BROX: variants seen among roughly 807,000 people sequenced by gnomAD.
BROX encodes BRO1 domain-containing protein BROX.
In BROX, 53 loss-of-function variants were observed where a neutral mutation model predicts 61.0. The ratio of observed to expected loss-of-function variants is 0.87; its 90% CI spans 0.70 to 1.09. The LOEUF (loss-of-function observed/expected upper bound fraction) is 1.09. Ranked by LOEUF, BROX falls within the 50% of genes least tolerant of loss-of-function variation. The pLI, the probability that BROX is intolerant of heterozygous loss-of-function variation, is 0.00. For synonymous variants in BROX, 152 were observed against 160.2 expected (o/e 0.95, Z 0.38); for missense variants, 489 against 472.0 (o/e 1.04, Z -0.33).
chr1:222,726,169 C>G lies in BROX; in HGVS notation c.580+614C>G, dbSNP rs185296853. 1.1e-3 allele frequency among the ~76,000 whole-genome samples: 166 copies of G among 152,306 alleles called. 1 individual carries two copies. The highest frequency in any genetic ancestry group is 3.8e-3 in the African/African-American group (159 of 41,564). ...TTTTTCTCTTTCACTCGTTGGCTTACCTTAATGTCTTCACCTTTCAATGGC... is the reference window on the plus strand; with the variant it reads ...TTTTTCTCTTTCACTCGTTGGCTTAGCTTAATGTCTTCACCTTTCAATGGC... On this transcript the variant is annotated intron_variant, in intron 7 of 12. Coordinates refer to ENST00000340934, the MANE Select transcript of BROX (RefSeq NM_144695.4).
At chr1:222,725,029 G>A (rs1268134130) in intron 6 of BROX, among the ~76,000 whole-genome samples, 1 of 152,034 alleles carries the variant, frequency 6.6e-6, no homozygotes, top group African/African-American at 2.4e-5. Context: ...TCCTGACCTC[G>A]TGATTCACCT....
intron 4 of BROX, among the ~76,000 whole-genome samples, chr1:222,719,955 C>T (rs1463447426): frequency 6.6e-6 from 1 of 152,104 alleles, no homozygotes; most frequent in Admixed American, 6.6e-5. Flanking sequence ...TTTTCAACAC[C>T]ATTTTGTTGT....
intron 9 of BROX, among the ~76,000 whole-genome samples, chr1:222,729,110 G>T (rs747184142): frequency 6.6e-6 from 1 of 152,122 alleles, no homozygotes; most frequent in Non-Finnish European, 1.5e-5. Context: ...GTTTCATCCT[G>T]TGCATTGAGA....
chr1:222,721,502 T>G (rs923697370), intron 4 of BROX, among the ~76,000 whole-genome samples: 1 of 152,144 alleles, frequency 6.6e-6, no homozygotes, highest in African/African-American at 2.4e-5. Flanking sequence ...GCTTTTCTGT[T>G]TCTTAGTATT....
At position 222,733,064 on chromosome 1, in the gene BROX, T is replaced by TA. The variant is rs1491319826; in HGVS notation, c.*350_*351insA. The TA allele has an allele frequency of 8.6e-6, 1 of 115,732 alleles. No homozygotes were observed. The highest frequency in any genetic ancestry group is 4.1e-5 in the African/African-American group (1 of 24,206). 7.2% of individuals were successfully genotyped at this position (115,732 alleles called of 1,614,324 possible). A position where few individuals can be genotyped will look rare whatever the true frequency, so the allele number is the denominator to read the frequency against. ...GGTATGTTTTTCTTTTTTCTTTTTC[T>TA]TTTTTTTTTTTCTTTTTTTTTTTTT... On this transcript the variant is annotated 3_prime_UTR_variant, in exon 13 of 13. Coordinates refer to ENST00000340934, the MANE Select transcript of BROX (RefSeq NM_144695.4).
chr1:222,730,107 C>G lies in BROX; in HGVS notation c.919C>G (p.Leu307Val). ...ACCAACAGTCAAACCTTCAGGACAT[C>G]TGTTCTTTAGGAAACTTGGAAACCT... ...PGPTVKPSGH[L>V]FFRKLGNLVK... Residue 307 changes from leucine (L) to valine (V), a missense_variant, in exon 11 of 13, where the codon CTG becomes GTG. Physicochemically the swap from Leu to Val is conservative, Grantham distance 32 (BLOSUM62 1). Transcript: ENST00000340934. The G allele has an allele frequency of 6.2e-7, 1 of 1,613,180 alleles. No homozygotes were observed. Among genetic ancestry groups the G allele is most frequent in the Non-Finnish European group, 8.5e-7 (1 of 1,179,464 alleles).
intron 4 of BROX, among the ~76,000 whole-genome samples, chr1:222,720,150 T>G (rs1031601414): frequency 1.3e-5 from 2 of 152,174 alleles, no homozygotes; most frequent in African/African-American, 2.4e-5. Flanking sequence ...AACATCTGCT[T>G]CTTCAACTAT....
chr1:222,718,374 G>T (rs1001388798), intron 2 of BROX, among the ~76,000 whole-genome samples: 5 of 152,096 alleles, frequency 3.3e-5, no homozygotes, highest in Non-Finnish European at 7.4e-5. Flanking sequence ...TGATGTATAT[G>T]TTGAATTACA....
At chr1:222,729,305 G>A (rs1163437265) in intron 9 of BROX, among the ~76,000 whole-genome samples, 2 of 152,152 alleles carry the variant, frequency 1.3e-5, no homozygotes, top group Non-Finnish European at 2.9e-5. Flanking sequence ...GGTCTGAGTA[G>A]ATAATATTTC....
chr1:222,716,164 T>G (rs903816104), intron 2 of BROX, among the ~76,000 whole-genome samples: 3 of 152,226 alleles, frequency 2.0e-5, no homozygotes, highest in Admixed American at 6.5e-5. Context: ...AATGGCTTGA[T>G]CTCGGCTTAC....
Position 222,729,617 on chromosome 1 carries a change from CA to C in BROX, c.757-2del. 6.2e-7 allele frequency: 1 copy of C among 1,606,336 alleles called. No individual in the cohort carries two copies. The highest frequency in any genetic ancestry group is 1.1e-5 in the South Asian group (1 of 90,158). Reference sequence around the variant, plus strand: ...TGAATAAAAAATTTGTTTATTTCATCAGGCTTACTGTTACCATGGTGAGACT... The same window carrying C: ...TGAATAAAAAATTTGTTTATTTCATCGGCTTACTGTTACCATGGTGAGACT... On this transcript the variant is annotated splice_acceptor_variant, in intron 9 of 12. Transcript: ENST00000340934. LOFTEE classifies it high-confidence loss of function.
At chr1:222,715,841 T>C in intron 2 of BROX, 41 bp downstream of exon 2, 1 of 1,317,634 alleles carries the variant, frequency 7.6e-7, no homozygotes, top group Non-Finnish European at 1.1e-6. Context: ...GCAAGGTACT[T>C]TTTTTGGTTC....
chr1:222,732,610 TG>T lies in BROX; in HGVS notation c.1150-16del. ...AATCTTAGTTTATGTACTTAAACTG[TG>T]GTTTTTTTCTCCCTAGACTAAACCC... On this transcript the variant is annotated splice_polypyrimidine_tract_variant and intron_variant, in intron 12 of 12. Transcript: ENST00000340934. 6.4e-7 allele frequency: 1 copy of T among 1,573,612 alleles called. No homozygotes were observed. Among genetic ancestry groups the T allele is most frequent in the South Asian group, 1.1e-5 (1 of 88,388 alleles).
At chr1:222,720,872 A>C (rs960585141) in intron 4 of BROX, among the ~76,000 whole-genome samples, 3 of 152,132 alleles carry the variant, frequency 2.0e-5, no homozygotes, top group Admixed American at 6.6e-5. Context: ...CAGTTTTATG[A>C]GATAGTGAAG....
rs1353213820 is a variant in BROX, at chr1:222,712,633, C to T, written c.-326C>T. The stretch of plus-strand genomic sequence containing the variant: ...CTCCGGAGGTAGGGGCAACTCTTCT[C>T]TTCCTGTCTGGGAAAAAGACCATAG... On this transcript the variant is annotated 5_prime_UTR_variant, in exon 1 of 13. Coordinates refer to ENST00000340934, the MANE Select transcript of BROX (RefSeq NM_144695.4). 2 of 1,330,508 alleles carry T rather than the reference C, an allele frequency of 1.5e-6. No homozygotes were observed. Among genetic ancestry groups the T allele is most frequent in the African/African-American group, 3.0e-5 (2 of 67,654 alleles). The allele number at this position is 1,330,508 out of a possible 1,614,324, so 82.4% of individuals were successfully genotyped here. A position where few individuals can be genotyped will look rare whatever the true frequency, so the allele number is the denominator to read the frequency against.
At chr1:222,721,859 A>T (rs1657120277) in intron 4 of BROX, among the ~76,000 whole-genome samples, 1 of 152,148 alleles carries the variant, frequency 6.6e-6, no homozygotes, top group Non-Finnish European at 1.5e-5. Context: ...CACTTCTACC[A>T]GAAAATTTTT....
At chr1:222,728,369 C>T (rs572742301) in intron 8 of BROX, among the ~76,000 whole-genome samples, 1 of 152,102 alleles carries the variant, frequency 6.6e-6, no homozygotes, top group South Asian at 2.1e-4. Flanking sequence ...AGGAGAGTAT[C>T]CTATTTCTGA....
chr1:222,734,113 T>C lies in BROX; in HGVS notation c.*1399T>C, dbSNP rs1275024746. ...ACAATTAGTTTAGTAATTTGGGAAA[T>C]AGTGGATGCATAATACTTTAACAGA... is the stretch of plus-strand genomic sequence containing the variant. On this transcript the variant is annotated 3_prime_UTR_variant, in exon 13 of 13. Transcript: ENST00000340934. The C allele has an allele frequency of 6.6e-6, 1 of 152,230 alleles. No homozygotes were observed. Among genetic ancestry groups the C allele is most frequent in the Non-Finnish European group, 1.5e-5 (1 of 68,032 alleles). 9.4% of individuals were successfully genotyped at this position (152,230 alleles called of 1,614,324 possible).
At chr1:222,722,064 T>C (rs1225717747) in intron 4 of BROX, among the ~76,000 whole-genome samples, 1 of 152,194 alleles carries the variant, frequency 6.6e-6, no homozygotes, top group African/African-American at 2.4e-5. Flanking sequence ...CCTTTGAGAA[T>C]CGACTGAGTA....
Sources: gnomAD v4.1 joint callset for allele counts (sites outside exome capture counted in the v4.1 genomes callset) on GRCh38, gnomAD v4.1.1 for gene constraint, MANE v1.5 for transcripts, NCBI Gene and HGNC (gene_info 2026-07-23, HGNC 2026-07-21) for gene names.